The following PCDH9 variants were observed in gnomAD, a reference collection of about 807,000 sequenced individuals.
The protein encoded by PCDH9 is protocadherin-9.
In PCDH9, 24 loss-of-function variants were observed where a neutral mutation model predicts 70.6. The ratio of observed to expected loss-of-function variants is 0.34; its 90% confidence interval spans 0.25 to 0.48. The LOEUF (loss-of-function observed/expected upper bound fraction) is 0.48, where lower values mean the gene tolerates loss of function less well. Ranked by LOEUF, PCDH9 falls within the 20% of genes least tolerant of loss-of-function variation. PCDH9 has a pLI of 0.99. For synonymous variants in PCDH9, 562 were observed against 558.5 expected (o/e 1.01, Z -0.09); for missense variants, 1,281 against 1,503.6 (o/e 0.85, Z 2.45).
chr13:67,186,563 C>T (rs1015074717), intron 2 of PCDH9, among the ~76,000 whole-genome samples: 2 of 152,146 alleles, frequency 1.3e-5, no homozygotes, highest in African/African-American at 4.8e-5. Flanking sequence ...TTTTGAGTAG[C>T]AAGTCCTTAA....
intron 2 of PCDH9, among the ~76,000 whole-genome samples, chr13:66,970,195 A>G (rs1054580892): frequency 1.3e-5 from 2 of 152,072 alleles, no homozygotes; most frequent in African/African-American, 4.8e-5. Context: ...ACAACTAGAG[A>G]TAGTGTGATG....
At chr13:66,316,069 G>A (rs1955646810) in intron 4 of PCDH9, among the ~76,000 whole-genome samples, 1 of 152,090 alleles carries the variant, frequency 6.6e-6, no homozygotes, top group South Asian at 2.1e-4. Flanking sequence ...GGTCATCTAT[G>A]TTCCTGGACA....
intron 2 of PCDH9, among the ~76,000 whole-genome samples, chr13:66,963,064 G>A (rs367789190): frequency 4.6e-5 from 7 of 152,070 alleles, no homozygotes; most frequent in South Asian, 2.1e-4. Flanking sequence ...TAGAACCCTC[G>A]CATGCTCAGT....
intron 2 of PCDH9, among the ~76,000 whole-genome samples, chr13:67,121,691 A>T (rs2138301448): frequency 6.6e-6 from 1 of 152,352 alleles, no homozygotes; most frequent in South Asian, 2.1e-4. Flanking sequence ...GCAAAATCAT[A>T]TGACAATGGC....
chr13:66,684,899 G>A (rs1247465223), intron 3 of PCDH9, among the ~76,000 whole-genome samples: 2 of 152,118 alleles, frequency 1.3e-5, no homozygotes, highest in Non-Finnish European at 2.9e-5. Context: ...GAAGTTCCTA[G>A]AGACTTGTTG....
rs575383847 is a variant in PCDH9, at chr13:66,493,103, G to A, written c.3340+138107C>T. ...CCTATGTGACTATAAGCTTATTAGA[G>A]CATATTTCAAAGGAATGCAAAATAT... On this transcript the variant is annotated intron_variant, in intron 4 of 4. Coordinates refer to ENST00000377865, the MANE Select transcript of PCDH9 (RefSeq NM_203487.3). Among the ~76,000 whole-genome samples the A allele has an allele frequency of 2.0e-4, 31 of 152,198 alleles. 1 individual carries two copies. The South Asian group carries it at 6.4e-3, about 32-fold the overall frequency.
intron 2 of PCDH9, among the ~76,000 whole-genome samples, chr13:67,012,380 T>C (rs1486441869): frequency 2.6e-5 from 4 of 151,998 alleles, no homozygotes; most frequent in Admixed American, 6.6e-5. Context: ...ATGTTTTCTC[T>C]GGTGATTTAC....
intron 2 of PCDH9, among the ~76,000 whole-genome samples, chr13:67,157,886 T>C (rs892282865): frequency 3.9e-5 from 6 of 152,142 alleles, no homozygotes; most frequent in African/African-American, 1.4e-4. Flanking sequence ...CATAATTCTC[T>C]CAGTCTGGGC....
intron 3 of PCDH9, among the ~76,000 whole-genome samples, chr13:66,895,263 G>A (rs1163945645): frequency 6.6e-6 from 1 of 152,130 alleles, no homozygotes; most frequent in Non-Finnish European, 1.5e-5. Context: ...TAGATTTCCA[G>A]TTTATGTGGA....
chr13:67,030,488 C>A (rs1566374933), intron 2 of PCDH9, among the ~76,000 whole-genome samples: 2 of 151,734 alleles, frequency 1.3e-5, no homozygotes, highest in South Asian at 4.2e-4. Flanking sequence ...CCCCCCACCA[C>A]CGACCCCCAC....
chr13:66,599,406 T>C (rs1445434368), intron 4 of PCDH9, among the ~76,000 whole-genome samples: 3 of 151,908 alleles, frequency 2.0e-5, no homozygotes, highest in Admixed American at 2.0e-4. Flanking sequence ...AGGTTACTTG[T>C]AGAGCATTTG....
At chr13:67,061,351 A>G (rs2085535184) in intron 2 of PCDH9, among the ~76,000 whole-genome samples, 1 of 151,248 alleles carries the variant, frequency 6.6e-6, no homozygotes, top group African/African-American at 2.4e-5. Flanking sequence ...AAGTAAGAAC[A>G]ATGTTTCAAC....
intron 4 of PCDH9, among the ~76,000 whole-genome samples, chr13:66,454,640 G>A (rs1244471117): frequency 6.6e-6 from 1 of 152,214 alleles, no homozygotes; most frequent in East Asian, 1.9e-4. Flanking sequence ...CATTCTCGTG[G>A]GAGAAGGATA....
At chr13:66,831,895 A>T (rs147866275) in intron 3 of PCDH9, among the ~76,000 whole-genome samples, 1 of 151,974 alleles carries the variant, frequency 6.6e-6, no homozygotes, top group African/African-American at 2.4e-5. Flanking sequence ...TGTAATAAAA[A>T]CTGTGGAAAA....
At chr13:67,072,901 A>C (rs185806033) in intron 2 of PCDH9, among the ~76,000 whole-genome samples, 194 of 152,332 alleles carry the variant, frequency 1.3e-3, no homozygotes, top group African/African-American at 4.4e-3. Context: ...ACTGTATACA[A>C]GATGATTCTC....
chr13:66,345,691 A>G (rs1956202456), intron 4 of PCDH9, among the ~76,000 whole-genome samples: 1 of 152,192 alleles, frequency 6.6e-6, no homozygotes, highest in South Asian at 2.1e-4. Context: ...CCTCGTTCAC[A>G]GAGCAAGAAA....
intron 3 of PCDH9, among the ~76,000 whole-genome samples, chr13:66,706,702 A>G (rs2078716178): frequency 6.6e-6 from 1 of 152,240 alleles, no homozygotes; most frequent in African/African-American, 2.4e-5. Context: ...ATGAAAGACA[A>G]GAGGCCAGCA....
At chr13:66,745,782 T>C (rs1321865310) in intron 3 of PCDH9, among the ~76,000 whole-genome samples, 2 of 152,158 alleles carry the variant, frequency 1.3e-5, no homozygotes, top group Non-Finnish European at 2.9e-5. Flanking sequence ...AGTAATTTGT[T>C]GTGCACATAA....
chr13:66,640,980 A>G (rs1008585360), intron 3 of PCDH9, among the ~76,000 whole-genome samples: 28 of 152,188 alleles, frequency 1.8e-4, no homozygotes, highest in Admixed American at 1.6e-3. Flanking sequence ...GGTTCGAGCA[A>G]TTCTCCGGCC....
Sources: allele counts gnomAD v4.1 joint callset (sites outside exome capture counted in the v4.1 genomes callset), GRCh38; gene constraint gnomAD v4.1.1; transcripts MANE v1.5; gene names NCBI Gene and HGNC (gene_info 2026-07-23, HGNC 2026-07-21).